The following PIK3C2G variants were observed in gnomAD, a reference collection of about 807,000 sequenced individuals.
PIK3C2G encodes phosphatidylinositol 3-kinase C2 domain-containing subunit gamma.
A neutral mutation model predicts 181.1 loss-of-function variants in PIK3C2G; 168 were observed. The ratio of observed to expected loss-of-function variants is 0.93; its 90% CI spans 0.82 to 1.05. The LOEUF (loss-of-function observed/expected upper bound fraction) is 1.05. PIK3C2G is among the 50% of genes least tolerant of loss of function. The pLI is 0.00. For missense variants in PIK3C2G, 1,869 were observed against 1,732.8 expected, an observed-to-expected ratio of 1.08 and a Z score of -1.40; for synonymous variants, 573 against 592.2, an observed-to-expected ratio of 0.97 and a Z score of 0.47.
chr12:18,712,858 T>A, the PIK3C2G span: 1,482 of 1,613,834 alleles, frequency 9.2e-4, no homozygotes, highest in Non-Finnish European at 1.1e-3. Flanking sequence ...TGCATACTTG[T>A]GTATAGCTTG....
chr12:18,349,302 C>A (rs560412499), intron 11 of PIK3C2G, among the ~76,000 whole-genome samples: 51 of 152,070 alleles, frequency 3.4e-4, no homozygotes, highest in South Asian at 6.2e-4. Flanking sequence ...AGCATAGGTA[C>A]TGACAAACTG....
chr12:18,351,919 A>G (rs1940252645), intron 11 of PIK3C2G, among the ~76,000 whole-genome samples: 1 of 152,224 alleles, frequency 6.6e-6, no homozygotes, highest in Non-Finnish European at 1.5e-5. Flanking sequence ...GCAATAGGCT[A>G]TCCCGTATAC....
rs1945692899 is a variant in PIK3C2G, at chr12:18,424,724, G to A, written c.2504+685G>A. The stretch of plus-strand genomic sequence containing the variant: ...TGTCAGTTGGACAGTTGCTAGTGGA[G>A]ACTAACGAATGCTAAAGGTGAAGTA... On this transcript the variant is annotated intron_variant, in intron 18 of 32. Coordinates refer to ENST00000538779, the MANE Select transcript of PIK3C2G (RefSeq NM_001288772.2). 4 of 213,414 alleles carry A rather than the reference G, an allele frequency of 1.9e-5. No individual in the cohort carries two copies. The South Asian group carries it at 3.5e-4, about 19-fold the overall frequency. 13.2% of individuals were successfully genotyped at this position (213,414 alleles called of 1,614,324 possible). A position where few individuals can be genotyped will look rare whatever the true frequency, so the allele number is the denominator to read the frequency against.
chr12:18,388,910 CA>C (rs539834968), intron 14 of PIK3C2G, among the ~76,000 whole-genome samples: 1 of 152,034 alleles, frequency 6.6e-6, no homozygotes, highest in African/African-American at 2.4e-5. Context: ...CTATCCCCCC[CA>C]AAAAAACATA....
At chr12:18,452,346 GT>G (rs1947408472) in intron 18 of PIK3C2G, among the ~76,000 whole-genome samples, 1 of 152,078 alleles carries the variant, frequency 6.6e-6, no homozygotes, top group Admixed American at 6.6e-5. Context: ...AGATTTTCTA[GT>G]TTATTTGCAT....
At chr12:18,459,954 G>A (rs187222387) in intron 18 of PIK3C2G, among the ~76,000 whole-genome samples, 120 of 152,234 alleles carry the variant, frequency 7.9e-4, no homozygotes, top group African/African-American at 2.6e-3. Context: ...TAGTAGAGAC[G>A]GGGTTTCACT....
chr12:18,440,585 C>A (rs1007060573), intron 18 of PIK3C2G, among the ~76,000 whole-genome samples: 1 of 152,022 alleles, frequency 6.6e-6, no homozygotes, highest in Admixed American at 6.6e-5. Flanking sequence ...AAGAGGATGC[C>A]AGGAAGAAGT....
downstream of PIK3C2G, among the ~76,000 whole-genome samples, chr12:18,650,744 A>G (rs867756181): frequency 0.098 from 4,090 of 41,862 alleles, 225 homozygotes; most frequent in African/African-American, 0.13. Context: ...ATATATATAT[A>G]TATATATATA....
At chr12:18,335,754 T>C (rs570592642) in intron 8 of PIK3C2G, among the ~76,000 whole-genome samples, 3 of 152,210 alleles carry the variant, frequency 2.0e-5, no homozygotes, top group African/African-American at 7.2e-5. Flanking sequence ...ACAATTGCAA[T>C]CTTTTACTTC....
intron 14 of PIK3C2G, 41 bp downstream of exon 14, chr12:18,381,921 A>G (rs1275338470): frequency 7.0e-6 from 8 of 1,148,742 alleles, no homozygotes; most frequent in Non-Finnish European, 9.3e-6. Context: ...CATGGCAAGT[A>G]TTGGTTGATA....
chr12:18,659,767 G>T, the PIK3C2G span, among the ~76,000 whole-genome samples: 1 of 150,374 alleles, frequency 6.7e-6, no homozygotes, highest in East Asian at 2.0e-4. Flanking sequence ...TTGGTGTGCT[G>T]CACCCGTTAA....
intron 16 of PIK3C2G, among the ~76,000 whole-genome samples, chr12:18,407,732 G>A (rs1254225300): frequency 2.0e-5 from 3 of 152,016 alleles, no homozygotes; most frequent in African/African-American, 2.4e-5. Flanking sequence ...AGTTATATTC[G>A]AGCTCAAATC....
chr12:18,453,765 C>CA (rs546556362), intron 18 of PIK3C2G, among the ~76,000 whole-genome samples: 26 of 150,244 alleles, frequency 1.7e-4, no homozygotes, highest in African/African-American at 2.7e-4. Flanking sequence ...AATTTGCTAT[C>CA]AAAAAAAAAG....
At chr12:18,709,190 G>A in the PIK3C2G span, among the ~76,000 whole-genome samples, 1 of 152,084 alleles carries the variant, frequency 6.6e-6, no homozygotes, top group African/African-American at 2.4e-5. Flanking sequence ...ATGATTTGTT[G>A]TGTATGGTAT....
intron 31 of PIK3C2G, among the ~76,000 whole-genome samples, chr12:18,625,109 A>G (rs1452427101): frequency 1.3e-5 from 2 of 151,666 alleles, no homozygotes; most frequent in African/African-American, 4.8e-5. Flanking sequence ...GAAGCACAAC[A>G]TTAAATTGTT....
chr12:18,503,705 T>C (rs1452857070), intron 23 of PIK3C2G, among the ~76,000 whole-genome samples: 1 of 152,220 alleles, frequency 6.6e-6, no homozygotes, highest in Non-Finnish European at 1.5e-5. Flanking sequence ...CCCTTGAAAT[T>C]ACCTCATTTA....
chr12:18,723,110 G>A, the PIK3C2G span, among the ~76,000 whole-genome samples: 43 of 151,904 alleles, frequency 2.8e-4, no homozygotes, highest in Non-Finnish European at 4.4e-5. Context: ...GTATAGGAAA[G>A]GATGTCATGG....
chr12:18,568,247 C>T (rs1945739360), intron 29 of PIK3C2G, among the ~76,000 whole-genome samples: 1 of 152,060 alleles, frequency 6.6e-6, no homozygotes, highest in African/African-American at 2.4e-5. Flanking sequence ...AGAAAATGTG[C>T]AAGGACACAG....
intron 31 of PIK3C2G, among the ~76,000 whole-genome samples, chr12:18,638,039 A>T (rs183604096): frequency 8.5e-4 from 129 of 152,326 alleles, no homozygotes; most frequent in African/African-American, 2.9e-3. Context: ...CTTAGTGTCC[A>T]TTCCTACACC....
Sources: gnomAD v4.1 joint callset for allele counts (sites outside exome capture counted in the v4.1 genomes callset) on GRCh38, gnomAD v4.1.1 for gene constraint, MANE v1.5 for transcripts, NCBI Gene and HGNC (gene_info 2026-07-23, HGNC 2026-07-21) for gene names.